Variants in PARD3 observed in about 807,000 individuals in gnomAD.
PARD3 encodes the protein partitioning defective 3 homolog.
In PARD3, 75 loss-of-function variants were observed where a neutral mutation model predicts 155.4. The ratio of observed to expected loss-of-function variants is 0.48; its 90% confidence interval spans 0.40 to 0.58. The LOEUF (loss-of-function observed/expected upper bound fraction) is 0.58. Among genes scored for constraint, PARD3 ranks in the 20% least tolerant of loss-of-function variants. PARD3 has a pLI of 0.00. For synonymous variants in PARD3, 576 were observed against 610.5 expected (o/e 0.94, Z 0.83); for missense variants, 1,642 against 1,721.7 (o/e 0.95, Z 0.82).
chr10:34,698,484 TC>T (rs1190048110), intron 1 of PARD3, among the ~76,000 whole-genome samples: 1 of 152,132 alleles, frequency 6.6e-6, no homozygotes, highest in Admixed American at 6.5e-5. Flanking sequence ...CATCCTCTTC[TC>T]CAAGAGCTTT....
intron 1 of PARD3, among the ~76,000 whole-genome samples, chr10:34,812,622 T>C (rs1325505667): frequency 6.6e-6 from 1 of 152,172 alleles, no homozygotes; most frequent in East Asian, 1.9e-4. Context: ...TGGCAACATT[T>C]AAGGGTCAAC....
At chr10:34,246,725 T>C (rs1032455711) in intron 22 of PARD3, among the ~76,000 whole-genome samples, 2 of 149,212 alleles carry the variant, frequency 1.3e-5, no homozygotes, top group African/African-American at 2.6e-5. Flanking sequence ...GGCACCCTGA[T>C]AGTACCCACG....
chr10:34,244,692 T>C lies in PARD3; in HGVS notation c.3419+24965A>G, dbSNP rs535964871. On this transcript the variant is annotated intron_variant, in intron 22 of 24. Transcript: ENST00000374788. ...ATCTTATACAATCTAATTTTAAAAA[T>C]TGAATCATTCTTACATGCTGAGTTC... 2.0e-5 allele frequency among the ~76,000 whole-genome samples: 3 copies of C among 152,358 alleles called. No homozygotes were observed. In the South Asian group the frequency reaches 6.2e-4, roughly 32 times the overall value.
At chr10:34,372,236 T>C (rs773049906) in intron 12 of PARD3, among the ~76,000 whole-genome samples, 11 of 152,134 alleles carry the variant, frequency 7.2e-5, no homozygotes, top group Non-Finnish European at 2.9e-5. Flanking sequence ...AACTAAGCTT[T>C]GGTCCTCACT....
intron 2 of PARD3, among the ~76,000 whole-genome samples, chr10:34,560,591 T>G (rs966652999): frequency 6.6e-6 from 1 of 152,232 alleles, no homozygotes; most frequent in Non-Finnish European, 1.5e-5. Context: ...TCTGTAATAT[T>G]AACAACAATT....
At chr10:34,408,639 T>G (rs1197307698) in intron 5 of PARD3, among the ~76,000 whole-genome samples, 1 of 152,258 alleles carries the variant, frequency 6.6e-6, no homozygotes, top group Non-Finnish European at 1.5e-5. Flanking sequence ...TTTCCCATCA[T>G]ATATGGAAAA....
intron 7 of PARD3, among the ~76,000 whole-genome samples, chr10:34,397,262 A>T (rs934776805): frequency 2.0e-5 from 3 of 152,336 alleles, no homozygotes; most frequent in Admixed American, 6.5e-5. Flanking sequence ...ATTGTTAACC[A>T]TCTGTGAGGA....
chr10:34,215,455 T>C (rs1951959061), intron 22 of PARD3, among the ~76,000 whole-genome samples: 1 of 152,242 alleles, frequency 6.6e-6, no homozygotes, highest in Non-Finnish European at 1.5e-5. Context: ...TATCCTTTAA[T>C]CCAATTCATA....
At chr10:34,448,276 C>G (rs940998004) in intron 5 of PARD3, among the ~76,000 whole-genome samples, 9 of 148,754 alleles carry the variant, frequency 6.1e-5, no homozygotes, top group Admixed American at 3.3e-4. Flanking sequence ...AGAAATAAGC[C>G]AAACACAGAA....
chr10:34,770,410 C>A (rs1278497527), intron 1 of PARD3, among the ~76,000 whole-genome samples: 1 of 152,158 alleles, frequency 6.6e-6, no homozygotes, highest in Non-Finnish European at 1.5e-5. Flanking sequence ...GCCTTGAGGG[C>A]AGCACCTCCA....
intron 1 of PARD3, among the ~76,000 whole-genome samples, chr10:34,757,538 A>T (rs1456502648): frequency 6.6e-6 from 1 of 152,046 alleles, no homozygotes; most frequent in Admixed American, 6.6e-5. Flanking sequence ...GCAAAACCAC[A>T]TCTCTACTAA....
At chr10:34,567,003 T>C (rs893630591) in intron 2 of PARD3, among the ~76,000 whole-genome samples, 1 of 152,248 alleles carries the variant, frequency 6.6e-6, no homozygotes, top group Non-Finnish European at 1.5e-5. Flanking sequence ...CTTCTTTGAC[T>C]ATAGTCACTT....
chr10:34,443,998 A>AT (rs2076606052), intron 5 of PARD3, among the ~76,000 whole-genome samples: 1 of 143,154 alleles, frequency 7.0e-6, no homozygotes, highest in African/African-American at 2.8e-5. Flanking sequence ...CAAACATTTA[A>AT]GTCAGTTTTC....
rs974726641 is a variant in PARD3 at position 34,666,879 on chromosome 10, T to C, written c.222+29439A>G. On this transcript the variant is annotated intron_variant, in intron 2 of 24. Transcript: ENST00000374788. ...CTTTTAGAATATTTCAGATATATTC[T>C]AAACTTGGCTGGGCACAGTGAGTCA... Among the ~76,000 whole-genome samples, 7 of 148,106 alleles carry C rather than the reference T, an allele frequency of 4.7e-5. No individual in the cohort carries two copies. The South Asian group carries it at 1.5e-3, about 32-fold the overall frequency.
At chr10:34,600,180 C>CA (rs71033321) in intron 2 of PARD3, among the ~76,000 whole-genome samples, 67,453 of 130,556 alleles carry the variant, frequency 0.52, 18,123 homozygotes, top group African/African-American at 0.76. Context: ...ATCAAAAATA[C>CA]AAAAAAAAAA....
At position 34,399,424 on chromosome 10, in the gene PARD3, A is replaced by G. The variant is rs750570293; in HGVS notation, c.807-11T>C. 14 of 1,561,028 alleles carry G rather than the reference A, an allele frequency of 9.0e-6. No homozygotes were observed. Among genetic ancestry groups the G allele is most frequent in the Non-Finnish European group, 1.2e-5 (14 of 1,131,888 alleles). On this transcript the variant is annotated splice_polypyrimidine_tract_variant and intron_variant, in intron 6 of 24. Coordinates refer to ENST00000374788, the MANE Select transcript of PARD3 (RefSeq NM_001184785.2). ...AGCTTTACCATATCACTGTGAGACAATGATGAATGAGGGAGCATGAACGTG... is the reference window on the plus strand; with the variant it reads ...AGCTTTACCATATCACTGTGAGACAGTGATGAATGAGGGAGCATGAACGTG...
chr10:34,647,364 G>C (rs1440073516), intron 2 of PARD3, among the ~76,000 whole-genome samples: 1 of 152,182 alleles, frequency 6.6e-6, no homozygotes, highest in Non-Finnish European at 1.5e-5. Context: ...GAGTTAAACA[G>C]GGAAGGTCAC....
At chr10:34,778,243 C>G (rs1839833861) in intron 1 of PARD3, among the ~76,000 whole-genome samples, 1 of 152,142 alleles carries the variant, frequency 6.6e-6, no homozygotes, top group African/African-American at 2.4e-5. Flanking sequence ...GTGGTATCTC[C>G]AGGTATTCAT....
chr10:34,683,649 C>T (rs2133362329), intron 2 of PARD3, among the ~76,000 whole-genome samples: 1 of 151,908 alleles, frequency 6.6e-6, no homozygotes, highest in East Asian at 1.9e-4. Context: ...TGTCCCCTGA[C>T]TCACTGGGTG....
Sources: gnomAD v4.1 joint callset for allele counts (sites outside exome capture counted in the v4.1 genomes callset) on GRCh38, gnomAD v4.1.1 for gene constraint, MANE v1.5 for transcripts, NCBI Gene and HGNC (gene_info 2026-07-23, HGNC 2026-07-21) for gene names.